PRKCH: variants seen among roughly 807,000 people sequenced by gnomAD.
PRKCH encodes protein kinase C eta type.
Under a neutral mutation model 82.5 loss-of-function variants are expected in PRKCH, and 28 were observed. That is an observed-to-expected ratio of 0.34 (90% CI 0.25 to 0.47). The LOEUF (loss-of-function observed/expected upper bound fraction) is 0.47, where lower values mean the gene tolerates loss of function less well. PRKCH is among the 20% of genes least tolerant of loss of function. The pLI, the probability that PRKCH is intolerant of heterozygous loss-of-function variation, is 1.00. For synonymous variants in PRKCH, 322 were observed against 327.4 expected, an observed-to-expected ratio of 0.98 and a Z score of 0.18; for missense variants, 705 against 881.8, an observed-to-expected ratio of 0.80 and a Z score of 2.54.
chr14:61,413,144 C>T (rs1000759922), intron 2 of PRKCH, among the ~76,000 whole-genome samples: 1 of 152,140 alleles, frequency 6.6e-6, no homozygotes, highest in African/African-American at 2.4e-5. Context: ...TTTGTATCTG[C>T]GTCTCACCAC....
At chr14:61,222,009 A>G (rs74054765) in intron 1 of PRKCH, among the ~76,000 whole-genome samples, 2,413 of 151,816 alleles carry the variant, frequency 0.016, 83 homozygotes, top group African/African-American at 0.055. Flanking sequence ...AGATGGGGGG[A>G]AGTAGAAGGC....
At chr14:61,311,453 C>G (rs2045523109) in intron 1 of PRKCH, among the ~76,000 whole-genome samples, 1 of 152,208 alleles carries the variant, frequency 6.6e-6, no homozygotes. Flanking sequence ...ATATCACTAC[C>G]AGCATTTTGG....
intron 1 of PRKCH, among the ~76,000 whole-genome samples, chr14:61,294,976 G>C (rs1387080584): frequency 6.6e-6 from 1 of 152,118 alleles, no homozygotes; most frequent in East Asian, 1.9e-4. Flanking sequence ...GGGTTCAAGC[G>C]ATTTTCATGC....
intron 1 of PRKCH, among the ~76,000 whole-genome samples, chr14:61,189,303 G>GTT (rs1335399711): frequency 6.6e-6 from 1 of 152,254 alleles, no homozygotes. Flanking sequence ...AGAAAACAGA[G>GTT]TAACAGAAAC....
At chr14:61,363,511 A>C (rs1420338985) in intron 1 of PRKCH, among the ~76,000 whole-genome samples, 1 of 152,218 alleles carries the variant, frequency 6.6e-6, no homozygotes, top group Non-Finnish European at 1.5e-5. Flanking sequence ...GGAAGAGACC[A>C]GAATGACACT....
At chr14:61,526,853 G>A (rs2140001573) in intron 10 of PRKCH, among the ~76,000 whole-genome samples, 1 of 152,378 alleles carries the variant, frequency 6.6e-6, no homozygotes, top group South Asian at 2.1e-4. Flanking sequence ...CAAAGCTCCA[G>A]GCCACCTAGC....
intron 2 of PRKCH, among the ~76,000 whole-genome samples, chr14:61,440,455 T>C (rs1259454939): frequency 1.3e-5 from 2 of 152,240 alleles, no homozygotes; most frequent in Non-Finnish European, 2.9e-5. Context: ...TTAACTGTGC[T>C]GGAATCTCTG....
chr14:61,197,867 T>C (rs544309419), intron 1 of PRKCH, among the ~76,000 whole-genome samples: 6 of 152,312 alleles, frequency 3.9e-5, no homozygotes, highest in South Asian at 4.2e-4. Context: ...GAGAGACCCA[T>C]GGAGAATTGT....
chr14:61,374,270 C>T (rs77793815), intron 1 of PRKCH, among the ~76,000 whole-genome samples: 2,562 of 152,272 alleles, frequency 0.017, 49 homozygotes, highest in South Asian at 0.029. Flanking sequence ...ACAGCCCCTG[C>T]GACTGCTTTC....
chr14:61,546,404 C>T (rs752954286), intron 12 of PRKCH, among the ~76,000 whole-genome samples: 32 of 152,314 alleles, frequency 2.1e-4, no homozygotes, highest in African/African-American at 5.3e-4. Flanking sequence ...AGAGGAGAAG[C>T]GATTAAACCC....
At chr14:61,367,170 A>G (rs2046307505) in intron 1 of PRKCH, among the ~76,000 whole-genome samples, 1 of 152,026 alleles carries the variant, frequency 6.6e-6, no homozygotes, top group African/African-American at 2.4e-5. Flanking sequence ...AAAAGTGGTG[A>G]GAGACAGGCA....
intron 1 of PRKCH, among the ~76,000 whole-genome samples, chr14:61,293,914 T>G (rs2045384729): frequency 6.6e-6 from 1 of 152,174 alleles, no homozygotes; most frequent in Non-Finnish European, 1.5e-5. Context: ...ATGTTTATAT[T>G]GAGTTTTATA....
intron 3 of PRKCH, among the ~76,000 whole-genome samples, chr14:61,444,301 C>T (rs935002961): frequency 3.9e-5 from 6 of 152,036 alleles, no homozygotes; most frequent in Admixed American, 3.3e-4. Context: ...GCAGCCCTGG[C>T]GTCTTTGAGT....
intron 2 of PRKCH, among the ~76,000 whole-genome samples, chr14:61,432,466 C>G (rs531418012): frequency 6.6e-6 from 1 of 152,226 alleles, no homozygotes; most frequent in African/African-American, 2.4e-5. Flanking sequence ...TCTGAAATAT[C>G]TTTATTTTGC....
At chr14:61,236,710 CAAAAAA>C (rs35185475) in intron 1 of PRKCH, among the ~76,000 whole-genome samples, 43 of 87,672 alleles carry the variant, frequency 4.9e-4, no homozygotes, top group East Asian at 4.0e-3. Flanking sequence ...TGTCTCAAAA[CAAAAAA>C]AAAAAAAAAA....
intron 10 of PRKCH, among the ~76,000 whole-genome samples, chr14:61,504,378 T>A (rs1236526520): frequency 6.6e-6 from 1 of 152,050 alleles, no homozygotes; most frequent in East Asian, 1.9e-4. Flanking sequence ...TTAGTAGAGA[T>A]GGGGTCTCAC....
chr14:61,268,615 C>A (rs912734187), intron 1 of PRKCH, among the ~76,000 whole-genome samples: 59 of 152,216 alleles, frequency 3.9e-4, no homozygotes, highest in Admixed American at 1.4e-3. Flanking sequence ...TTACAGAGAG[C>A]CGAGATCGTA....
chr14:61,513,100 A>G (rs768837937), intron 10 of PRKCH, among the ~76,000 whole-genome samples: 3 of 152,196 alleles, frequency 2.0e-5, no homozygotes, highest in Non-Finnish European at 2.9e-5. Context: ...GATTGGTAGC[A>G]TAAAAGATTT....
intron 1 of PRKCH, chr14:61,281,120 C>G: frequency 7.1e-7 from 1 of 1,416,162 alleles, no homozygotes; most frequent in South Asian, 1.5e-5. Flanking sequence ...GGCTGGTGGG[C>G]GCCCCGGGCC....
Sources: gnomAD v4.1 joint callset for allele counts (sites outside exome capture counted in the v4.1 genomes callset) on GRCh38, gnomAD v4.1.1 for gene constraint, MANE v1.5 for transcripts, NCBI Gene and HGNC (gene_info 2026-07-23, HGNC 2026-07-21) for gene names.